The following DOCK5 variants were observed in gnomAD, a reference collection of about 807,000 sequenced individuals.
DOCK5 encodes dedicator of cytokinesis 5.
A neutral mutation model predicts 251.8 loss-of-function variants in DOCK5; 142 were observed. That is an observed-to-expected ratio of 0.56 (90% CI 0.49 to 0.65). DOCK5 has a LOEUF of 0.65. Among genes scored for constraint, DOCK5 ranks in the 30% least tolerant of loss-of-function variants. DOCK5 has a pLI of 0.00. For synonymous variants in DOCK5, 842 were observed against 835.5 expected (o/e 1.01, Z -0.13); for missense variants, 2,111 against 2,312.3 (o/e 0.91, Z 1.79).
chr8:25,402,161 C>G (rs1247437030), intron 47 of DOCK5, among the ~76,000 whole-genome samples: 1 of 152,178 alleles, frequency 6.6e-6, no homozygotes, highest in African/African-American at 2.4e-5. Context: ...CAGGATCTCT[C>G]TTTGTCACCC....
Position 25,319,595 on chromosome 8 carries a change from T to C in DOCK5, c.1461T>C (p.Gly487=). The C allele has an allele frequency of 6.3e-7, 1 of 1,583,176 alleles. No homozygotes were observed. Among genetic ancestry groups the C allele is most frequent in the East Asian group, 2.3e-5 (1 of 43,940 alleles). Residue 487 remains glycine, a synonymous_variant, in exon 15 of 52, where the codon GGT becomes GGC. Coordinates refer to ENST00000276440, the MANE Select transcript of DOCK5 (RefSeq NM_024940.8). ...ATCTGAAGAAAGCAATTCACCCTGG[T>C]GCTGGATATGAAGGCATTTCAGAAT... ...GKLLEKAIHP[G]AGYEGISEYK... is the part of the protein sequence containing the mutation.
chr8:25,387,738 T>A (rs1268954906), intron 40 of DOCK5, among the ~76,000 whole-genome samples: 4 of 152,222 alleles, frequency 2.6e-5, no homozygotes, highest in African/African-American at 9.6e-5. Context: ...TTTCCGCCCC[T>A]GGGCCTGACT....
intron 7 of DOCK5, among the ~76,000 whole-genome samples, chr8:25,298,144 T>G (rs1215312158): frequency 6.6e-6 from 1 of 152,164 alleles, no homozygotes. Context: ...TTTTCCAGTC[T>G]TTCTGTTCTA....
rs766613024 is a variant in DOCK5 at position 25,358,951 on chromosome 8, T to G, written c.2851-12T>G. ...AAGGAGTCTTGGATTTGTGCTTTCC[T>G]TTTCCTTCCAGGGGAGTTTTGTGGC... is the stretch of plus-strand genomic sequence containing the variant. On this transcript the variant is annotated splice_polypyrimidine_tract_variant and intron_variant, in intron 27 of 51. Transcript: ENST00000276440. 6.2e-7 allele frequency: 1 copy of G among 1,612,126 alleles called. No homozygotes were observed. The highest frequency in any genetic ancestry group is 2.2e-5 in the East Asian group (1 of 44,864).
chr8:25,364,314 A>G (rs1468754735), intron 29 of DOCK5, among the ~76,000 whole-genome samples: 3 of 152,182 alleles, frequency 2.0e-5, no homozygotes, highest in African/African-American at 7.2e-5. Flanking sequence ...GCTTAAACAG[A>G]AGGATCATAA....
At chr8:25,400,137 ATTTG>A (rs1391126837) in intron 46 of DOCK5, 143 bp downstream of exon 46, 3 of 663,146 alleles carry the variant, frequency 4.5e-6, no homozygotes, top group African/African-American at 1.8e-5. Context: ...CTATCTATGT[ATTTG>A]TTTGCTCGGC....
intron 7 of DOCK5, among the ~76,000 whole-genome samples, chr8:25,296,853 T>G (rs1474479804): frequency 6.6e-6 from 1 of 151,984 alleles, no homozygotes; most frequent in Non-Finnish European, 1.5e-5. Flanking sequence ...ACGTATTAAG[T>G]GAAAAGATCA....
At chr8:25,207,254 G>T (rs1199749810) in intron 1 of DOCK5, among the ~76,000 whole-genome samples, 1 of 152,196 alleles carries the variant, frequency 6.6e-6, no homozygotes, top group Non-Finnish European at 1.5e-5. Flanking sequence ...TAGCATAGAA[G>T]TGCAAGGTGA....
intron 1 of DOCK5, among the ~76,000 whole-genome samples, chr8:25,224,414 C>T (rs952042698): frequency 6.6e-6 from 1 of 152,216 alleles, no homozygotes; most frequent in East Asian, 1.9e-4. Flanking sequence ...CCACAGCTCC[C>T]GGCCTTAATC....
At chr8:25,349,156 G>A (rs1800422956) in intron 26 of DOCK5, among the ~76,000 whole-genome samples, 1 of 152,164 alleles carries the variant, frequency 6.6e-6, no homozygotes, top group Non-Finnish European at 1.5e-5. Flanking sequence ...ACTTGATACT[G>A]TAATTAAAAT....
intron 1 of DOCK5, among the ~76,000 whole-genome samples, chr8:25,186,856 A>AT (rs915648218): frequency 6.6e-6 from 1 of 151,950 alleles, no homozygotes; most frequent in Non-Finnish European, 1.5e-5. Context: ...TGTTTTTAAT[A>AT]TTTTGTTTTT....
In DOCK5 at chr8:25,302,417, G is replaced by A; in HGVS notation, c.939G>A (p.Lys313=). 1 of 1,594,226 alleles carries A rather than the reference G, an allele frequency of 6.3e-7. No homozygotes were observed. Among genetic ancestry groups the A allele is most frequent in the Non-Finnish European group, 8.5e-7 (1 of 1,170,446 alleles). The change falls in exon 10 of 52, where the codon AAG becomes AAA. Residue 313 remains lysine, a synonymous_variant. Transcript: ENST00000276440. ...ATATGGAGCTGAAGGAAGGCAAGAA[G>A]CACACCTGTGGACTCCGAAGACCTT... is the stretch of plus-strand genomic sequence containing the variant. The part of the protein sequence containing the change: ...VGHMELKEGK[K]HTCGLRRPFG...
intron 8 of DOCK5, chr8:25,299,431 C>T (rs1804701153): frequency 8.5e-6 from 2 of 236,060 alleles, no homozygotes; most frequent in South Asian, 1.7e-4. Context: ...AGAGCAACGG[C>T]AGTATTCTGT....
At chr8:25,353,759 C>T (rs937618399) in intron 27 of DOCK5, among the ~76,000 whole-genome samples, 6 of 152,028 alleles carry the variant, frequency 3.9e-5, no homozygotes, top group Non-Finnish European at 7.4e-5. Context: ...TGCGGTGGCT[C>T]ATGCCTGTAA....
Position 25,358,829 on chromosome 8 carries a change from A to G in DOCK5, c.2851-134A>G. ...CGTGGCCTTTGGACCTTTAGAATGC[A>G]GCGTGTTTCCAGTGTGGTGGGATAC... On this transcript the variant is annotated intron_variant, in intron 27 of 51. Transcript: ENST00000276440. 12 of 728,468 alleles carry G rather than the reference A, an allele frequency of 1.6e-5. 1 individual carries two copies. The highest frequency in any genetic ancestry group is 1.6e-4 in the South Asian group (10 of 61,186). The allele number at this position is 728,468 out of a possible 1,614,324, so 45.1% of individuals were successfully genotyped here. A position where few individuals can be genotyped will look rare whatever the true frequency, so the allele number is the denominator to read the frequency against.
At chr8:25,374,168 G>A (rs1031472689) in intron 36 of DOCK5, among the ~76,000 whole-genome samples, 1 of 152,148 alleles carries the variant, frequency 6.6e-6, no homozygotes, top group African/African-American at 2.4e-5. Flanking sequence ...GGTGCACAGT[G>A]TATTGAAGAA....
intron 50 of DOCK5, chr8:25,409,845 C>T (rs755643128): frequency 4.6e-4 from 140 of 303,936 alleles, no homozygotes; most frequent in Non-Finnish European, 7.4e-4. Flanking sequence ...GACTCCATCT[C>T]AAAAAAACAA....
intron 6 of DOCK5, among the ~76,000 whole-genome samples, chr8:25,294,750 G>C (rs1468976474): frequency 6.6e-6 from 1 of 152,188 alleles, no homozygotes; most frequent in Non-Finnish European, 1.5e-5. Context: ...CTCATGGTCT[G>C]TTGGCTGTAC....
chr8:25,302,151 C>T (rs1369182347), intron 9 of DOCK5, among the ~76,000 whole-genome samples, 174 bp from the exon 10 acceptor site: 1 of 152,196 alleles, frequency 6.6e-6, no homozygotes, highest in Non-Finnish European at 1.5e-5. Context: ...GTCATGTTTT[C>T]TGATGCCATA....
Sources: gnomAD v4.1 joint callset for allele counts (sites outside exome capture counted in the v4.1 genomes callset) on GRCh38, gnomAD v4.1.1 for gene constraint, MANE v1.5 for transcripts, NCBI Gene and HGNC (gene_info 2026-07-23, HGNC 2026-07-21) for gene names.